The following SEC16B variants were observed in gnomAD, a reference collection of about 807,000 sequenced individuals.
SEC16B encodes SEC16 homolog B, endoplasmic reticulum export factor, also known as protein transport protein Sec16B.
A neutral mutation model predicts 141.8 loss-of-function variants in SEC16B; 115 were observed. The ratio of observed to expected loss-of-function variants is 0.81; its 90% CI spans 0.70 to 0.95. The LOEUF (loss-of-function observed/expected upper bound fraction) is 0.95, where lower values mean the gene tolerates loss of function less well. Among genes scored for constraint, SEC16B ranks in the 40% least tolerant of loss-of-function variants. SEC16B has a pLI of 0.00. For missense variants in SEC16B, 1,291 were observed against 1,312.3 expected, an observed-to-expected ratio of 0.98 and a Z score of 0.25; for synonymous variants, 493 against 492.5, an observed-to-expected ratio of 1.00 and a Z score of -0.01.
intron 1 of SEC16B, among the ~76,000 whole-genome samples, chr1:177,979,729 T>C (rs1270870658): frequency 6.6e-6 from 1 of 152,198 alleles, no homozygotes; most frequent in Non-Finnish European, 1.5e-5. Context: ...CAGTCCCACA[T>C]GGCTGAGGAG....
At chr1:177,976,031 G>A (rs1474059858) in intron 1 of SEC16B, among the ~76,000 whole-genome samples, 1 of 152,208 alleles carries the variant, frequency 6.6e-6, no homozygotes, top group African/African-American at 2.4e-5. Context: ...TGCCAGTCCT[G>A]GGATTGTTAC....
At chr1:177,952,112 T>C (rs1571329612) in intron 11 of SEC16B, 117 bp from the exon 12 acceptor site, 1 of 821,750 alleles carries the variant, frequency 1.2e-6, no homozygotes, top group South Asian at 1.5e-5. Flanking sequence ...CTTAGGAACA[T>C]GAGCATCGCT....
At chr1:177,950,176 G>T (rs1343356004) in intron 12 of SEC16B, among the ~76,000 whole-genome samples, 2 of 152,024 alleles carry the variant, frequency 1.3e-5, no homozygotes, top group East Asian at 3.9e-4. Context: ...AAAAGTGTGA[G>T]GTCGATTTTT....
intron 10 of SEC16B, among the ~76,000 whole-genome samples, chr1:177,957,029 T>G (rs983511471): frequency 6.6e-6 from 1 of 152,182 alleles, no homozygotes; most frequent in African/African-American, 2.4e-5. Flanking sequence ...GCATCTATAT[T>G]CAATATTGAT....
chr1:177,960,820 C>G lies in SEC16B; in HGVS notation c.907G>C (p.Ala303Pro). 1 of 1,611,882 alleles carries G rather than the reference C, an allele frequency of 6.2e-7. No homozygotes were observed. The highest frequency in any genetic ancestry group is 8.5e-7 in the Non-Finnish European group (1 of 1,178,796). Residue 303 changes from alanine (A) to proline (P), a missense_variant, in exon 7 of 26, where the codon GCA (alanine) becomes CCA (proline). This residue lies in a region of SEC16B where 681 missense variants were observed against 675.5 expected (regional missense o/e 1.01). Coordinates refer to ENST00000308284, the MANE Select transcript of SEC16B (RefSeq NM_033127.4). ...ATGCTGTGCAGTTCAACAAGGGCTG[C>G]TTGCCCGTCAGTGGGAGAGCTGGGA... ...VGPSSPTDGQAALVELHSMEV... is the reference protein window; with the variant it reads ...VGPSSPTDGQPALVELHSMEV...
chr1:177,943,655 A>G (rs556964183), intron 15 of SEC16B, among the ~76,000 whole-genome samples: 2 of 152,368 alleles, frequency 1.3e-5, no homozygotes, highest in South Asian at 2.1e-4. Flanking sequence ...AAAAGTCAAG[A>G]AAACACAAGG....
At chr1:177,951,772 G>T in intron 12 of SEC16B, 142 bp downstream of exon 12, 1 of 690,588 alleles carries the variant, frequency 1.4e-6, no homozygotes, top group Non-Finnish European at 2.6e-6. Context: ...CTTAGCACAG[G>T]GCCTGGCACA....
intron 12 of SEC16B, among the ~76,000 whole-genome samples, chr1:177,950,580 G>C (rs1359327630): frequency 6.6e-6 from 1 of 151,598 alleles, no homozygotes; most frequent in Non-Finnish European, 1.5e-5. Flanking sequence ...AGAGGAGAGA[G>C]AACATTCACT....
Position 177,956,852 on chromosome 1 carries a change from A to C in SEC16B, c.1365+1280T>G, listed in dbSNP as rs112247701. On this transcript the variant is annotated intron_variant, in intron 10 of 25. Transcript: ENST00000308284. ...TATTTAGCACCTTATTATAAAACAG[A>C]CTCTGGCTTAGATGATTTTGTGGGT... 5.6e-3 allele frequency among the ~76,000 whole-genome samples: 850 copies of C among 152,126 alleles called. 3 individuals carry two copies. The highest frequency in any genetic ancestry group is 0.02 in the African/African-American group (815 of 41,492).
At chr1:177,962,285 T>A (rs1343712011) in intron 5 of SEC16B, among the ~76,000 whole-genome samples, 3 of 152,020 alleles carry the variant, frequency 2.0e-5, no homozygotes, top group Non-Finnish European at 4.4e-5. Flanking sequence ...TTGGCCAGGA[T>A]GGTCTCAATC....
intron 10 of SEC16B, among the ~76,000 whole-genome samples, chr1:177,957,786 C>A (rs1652723700): frequency 7.4e-6 from 1 of 134,272 alleles, no homozygotes; most frequent in Non-Finnish European, 1.6e-5. Context: ...ACCCATTAAC[C>A]CACCCACCCT....
At chr1:177,930,431 A>G in intron 25 of SEC16B, 114 bp downstream of exon 25, 1 of 697,514 alleles carries the variant, frequency 1.4e-6, no homozygotes. Flanking sequence ...GAGAGGCTAA[A>G]TAATTGCTCA....
chr1:177,981,367 A>G (rs1477284022), intron 1 of SEC16B, among the ~76,000 whole-genome samples: 1 of 152,088 alleles, frequency 6.6e-6, no homozygotes, highest in African/African-American at 2.4e-5. Flanking sequence ...AGCAGTCAGC[A>G]CATGTCCAGA....
chr1:177,946,374 C>T (rs1300727478), intron 14 of SEC16B, 46 bp downstream of exon 14: 10 of 1,360,040 alleles, frequency 7.4e-6, no homozygotes, highest in Non-Finnish European at 9.3e-6. Context: ...CTAAAACAGT[C>T]CCTTGGAAAA....
chr1:177,941,035 T>C (rs1250769198), intron 16 of SEC16B, among the ~76,000 whole-genome samples: 1 of 152,220 alleles, frequency 6.6e-6, no homozygotes, highest in Non-Finnish European at 1.5e-5. Flanking sequence ...AGGGTATACA[T>C]AGGAATTTTG....
Position 177,929,727 on chromosome 1 carries a change from C to G in SEC16B, c.*131G>C. 1.1e-6 allele frequency: 1 copy of G among 875,168 alleles called. No individual in the cohort carries two copies. Among genetic ancestry groups the G allele is most frequent in the Non-Finnish European group, 1.8e-6 (1 of 543,686 alleles). The allele number at this position is 875,168 out of a possible 1,614,324, so 54.2% of individuals were successfully genotyped here. A position where few individuals can be genotyped will look rare whatever the true frequency, so the allele number is the denominator to read the frequency against. On this transcript the variant is annotated 3_prime_UTR_variant, in exon 26 of 26. Coordinates refer to ENST00000308284, the MANE Select transcript of SEC16B (RefSeq NM_033127.4). ...ATCCTGTCCTCTTGCCTTCTAAGTG[C>G]CCGGTGGAGGCATCGGGCTAGCACA...
chr1:177,962,832 C>G (rs999382330), intron 5 of SEC16B, among the ~76,000 whole-genome samples: 3 of 148,840 alleles, frequency 2.0e-5, no homozygotes, highest in Non-Finnish European at 4.5e-5. Context: ...TTGGGCCAAG[C>G]GCAGTGGCTC....
intron 13 of SEC16B, among the ~76,000 whole-genome samples, chr1:177,947,415 T>C (rs1651794359): frequency 1.3e-5 from 2 of 152,054 alleles, no homozygotes; most frequent in Non-Finnish European, 2.9e-5. Flanking sequence ...GTCCTATGCG[T>C]TAACTCCATC....
Position 177,967,900 on chromosome 1 carries a change from G to A in SEC16B, c.82C>T (p.Arg28Trp), listed in dbSNP as rs762052922. 3.2e-5 allele frequency: 52 copies of A among 1,613,830 alleles called. No individual in the cohort carries two copies. Among genetic ancestry groups the A allele is most frequent in the Non-Finnish European group, 4.2e-5 (49 of 1,179,876 alleles). ...APSKDPDRGF[R>W]RDGHHRPVPH... Reference sequence around the variant, plus strand: ...ACAGGCCGATGATGTCCATCTCTCCGAAACCCTCGGTCTGGATCCTTTGAG... The same window carrying A: ...ACAGGCCGATGATGTCCATCTCTCCAAAACCCTCGGTCTGGATCCTTTGAG... Residue 28 changes from arginine (R) to tryptophan (W), a missense_variant, in exon 2 of 26, where the codon CGG becomes TGG. Transcript: ENST00000308284.
Sources: allele counts gnomAD v4.1 joint callset (sites outside exome capture counted in the v4.1 genomes callset), GRCh38; gene constraint gnomAD v4.1.1; regional missense constraint gnomAD v4.1.1; transcripts MANE v1.5; gene names NCBI Gene and HGNC (gene_info 2026-07-23, HGNC 2026-07-21).